NF2: variants seen among roughly 807,000 people sequenced by gnomAD.
The protein encoded by NF2 is merlin.
NF2 carries 8 observed loss-of-function variants against 83.7 expected under a neutral mutation model. The ratio of observed to expected loss-of-function variants is 0.10; its 90% CI spans 0.06 to 0.17. The LOEUF (loss-of-function observed/expected upper bound fraction) is 0.17. NF2 is among the 10% of genes least tolerant of loss of function. The pLI, the probability that NF2 is intolerant of heterozygous loss-of-function variation, is 1.00. For missense variants in NF2, 533 were observed against 744.4 expected, an observed-to-expected ratio of 0.72 and a Z score of 3.31; for synonymous variants, 266 against 269.6, an observed-to-expected ratio of 0.99 and a Z score of 0.13.
At chr22:29,682,057 G>T (rs543678804) in intron 15 of NF2, among the ~76,000 whole-genome samples, 2 of 152,274 alleles carry the variant, frequency 1.3e-5, no homozygotes, top group East Asian at 3.9e-4. Flanking sequence ...TTAAAAGGAA[G>T]TGTCTAGGAA....
intron 3 of NF2, among the ~76,000 whole-genome samples, chr22:29,639,939 G>A (rs1456657729): frequency 6.8e-6 from 1 of 146,474 alleles, no homozygotes. Flanking sequence ...GCTCACCCCT[G>A]TAATCCCAGC....
intron 8 of NF2, among the ~76,000 whole-genome samples, chr22:29,664,245 T>G (rs985338300): frequency 1.3e-5 from 2 of 152,110 alleles, no homozygotes; most frequent in Non-Finnish European, 2.9e-5. Context: ...AGTGTTGGGA[T>G]TACGGGTGTG....
intron 15 of NF2, among the ~76,000 whole-genome samples, chr22:29,688,903 G>A (rs2067332178): frequency 6.6e-6 from 1 of 152,284 alleles, no homozygotes; most frequent in East Asian, 1.9e-4. Context: ...GATCTGGGCC[G>A]GACGCGGTGG....
At chr22:29,673,170 G>C (rs1382474299) in intron 11 of NF2, 99 bp from the exon 12 acceptor site, 21 of 1,313,566 alleles carry the variant, frequency 1.6e-5, no homozygotes, top group Non-Finnish European at 2.2e-5. Context: ...GGCCCCAGGA[G>C]TCCGAGACTC....
intron 15 of NF2, among the ~76,000 whole-genome samples, chr22:29,691,943 T>G (rs1034174268): frequency 6.6e-6 from 1 of 152,104 alleles, no homozygotes; most frequent in Non-Finnish European, 1.5e-5. Context: ...ACCCCCAAGG[T>G]GGAAGCAGAG....
chr22:29,645,322 A>T (rs1264878385), intron 4 of NF2, among the ~76,000 whole-genome samples: 3 of 152,144 alleles, frequency 2.0e-5, no homozygotes, highest in Non-Finnish European at 4.4e-5. Flanking sequence ...GCCCTCAGTG[A>T]TTTGCCCAAG....
intron 1 of NF2, among the ~76,000 whole-genome samples, chr22:29,610,502 G>T (rs1383042931): frequency 6.6e-6 from 1 of 152,006 alleles, no homozygotes; most frequent in Non-Finnish European, 1.5e-5. Flanking sequence ...AATTAGCCGA[G>T]CATGGTGGAG....
chr22:29,655,222 T>C (rs2066264498), intron 5 of NF2, among the ~76,000 whole-genome samples: 1 of 152,198 alleles, frequency 6.6e-6, no homozygotes, highest in Non-Finnish European at 1.5e-5. Context: ...GGCCCGTTTC[T>C]CACCTCTCAC....
chr22:29,681,180 G>A (rs1043517903), intron 14 of NF2, among the ~76,000 whole-genome samples: 4 of 151,850 alleles, frequency 2.6e-5, no homozygotes, highest in Non-Finnish European at 5.9e-5. Context: ...TGGAGCCACC[G>A]TGCCTGGCCT....
chr22:29,638,589 T>C (rs1029015361), intron 2 of NF2, among the ~76,000 whole-genome samples: 1 of 152,150 alleles, frequency 6.6e-6, no homozygotes, highest in African/African-American at 2.4e-5. Context: ...TGACCTCAGG[T>C]GATCCACCCG....
intron 1 of NF2, among the ~76,000 whole-genome samples, chr22:29,607,475 G>A (rs746409660): frequency 5.3e-5 from 8 of 152,106 alleles, no homozygotes; most frequent in South Asian, 2.1e-4. Context: ...ACTTTTCAGG[G>A]GAAATGGATT....
rs1301551793 is a variant in NF2 at position 29,698,029 on chromosome 22, C to T, written c.*3227C>T. 2 of 227,768 alleles carry T rather than the reference C, an allele frequency of 8.8e-6. No individual in the cohort carries two copies. Among genetic ancestry groups the T allele is most frequent in the African/African-American group, 2.2e-5 (1 of 45,002 alleles). 14.1% of individuals were successfully genotyped at this position (227,768 alleles called of 1,614,324 possible). A position where few individuals can be genotyped will look rare whatever the true frequency, so the allele number is the denominator to read the frequency against. On this transcript the variant is annotated 3_prime_UTR_variant, in exon 16 of 16. Transcript: ENST00000338641. ...AGCACCGGGACCATTCATGAGGTCA[C>T]TGCCCAGCTCATGATGTCCGTGAGG... is the stretch of plus-strand genomic sequence containing the variant.
At chr22:29,656,961 G>A (rs1413580425) in intron 6 of NF2, among the ~76,000 whole-genome samples, 1 of 150,650 alleles carries the variant, frequency 6.6e-6, no homozygotes, top group African/African-American at 2.4e-5. Context: ...TTAGGAATTG[G>A]TCATGTTTTC....
At chr22:29,615,155 A>G (rs555912517) in intron 1 of NF2, among the ~76,000 whole-genome samples, 3 of 152,268 alleles carry the variant, frequency 2.0e-5, no homozygotes, top group Admixed American at 6.5e-5. Flanking sequence ...CTGCACTCCA[A>G]CCTGGGCAAC....
intron 10 of NF2, 35 bp downstream of exon 10, chr22:29,668,481 T>G (rs1340061539): frequency 6.5e-7 from 1 of 1,537,580 alleles, no homozygotes; most frequent in East Asian, 2.3e-5. Context: ...ATGATGTCAC[T>G]GTGTGGTCAG....
chr22:29,614,590 A>AC (rs2065036576), intron 1 of NF2, among the ~76,000 whole-genome samples: 1 of 151,790 alleles, frequency 6.6e-6, no homozygotes, highest in African/African-American at 2.4e-5. Flanking sequence ...TAAAAAAAAA[A>AC]AAAAAAATTA....
At chr22:29,609,005 G>T in intron 1 of NF2, 1 of 673,326 alleles carries the variant, frequency 1.5e-6, no homozygotes, top group Non-Finnish European at 2.8e-6. Flanking sequence ...TATCTCCACC[G>T]GAATGTAATG....
intron 10 of NF2, among the ~76,000 whole-genome samples, chr22:29,670,724 A>G (rs1332357598): frequency 6.6e-6 from 1 of 152,148 alleles, no homozygotes. Context: ...GAGGAATGGC[A>G]CTGTCTTGTG....
At chr22:29,661,882 T>C (rs1482724632) in intron 8 of NF2, among the ~76,000 whole-genome samples, 1 of 152,216 alleles carries the variant, frequency 6.6e-6, no homozygotes, top group Non-Finnish European at 1.5e-5. Flanking sequence ...TATACACATA[T>C]GGACATATAT....
Sources: allele counts gnomAD v4.1 joint callset (sites outside exome capture counted in the v4.1 genomes callset), GRCh38; gene constraint gnomAD v4.1.1; transcripts MANE v1.5; gene names NCBI Gene and HGNC (gene_info 2026-07-23, HGNC 2026-07-21).